Variants in SSX3 observed in about 807,000 individuals in gnomAD.
SSX3 encodes the protein SSX family member 3.
A neutral mutation model predicts 14.8 loss-of-function variants in SSX3; 6 were observed. The observed-to-expected ratio is 0.41, with a 90% CI of 0.22 to 0.80. SSX3 has a LOEUF of 0.80. Ranked by LOEUF, SSX3 falls within the 30% of genes least tolerant of loss-of-function variation. The pLI is 0.34. For missense variants in SSX3, 163 were observed against 152.2 expected (o/e 1.07, Z -0.37); for synonymous variants, 55 against 52.9 (o/e 1.04, Z -0.18).
chrX:48,356,574 T>G (rs1239477222), intron 1 of SSX3, 60 bp downstream of exon 1: 5 of 110,463 alleles, frequency 4.5e-5, no homozygotes, highest in African/African-American at 1.6e-4. Context: ...AGATAGCAAA[T>G]GCACCACGGA....
intron 7 of SSX3, 139 bp downstream of exon 7, chrX:48,347,358 CTCA>C: frequency 2.1e-6 from 2 of 963,035 alleles, no homozygotes; most frequent in Non-Finnish European, 2.9e-6. Context: ...CATGGGAAAT[CTCA>C]TCATTCAGCC....
At position 48,346,687 on chromosome X, in the gene SSX3, C is replaced by T; in HGVS notation, c.*353G>A. 1 of 367,141 alleles carries T rather than the reference C, an allele frequency of 2.7e-6. No individual in the cohort carries two copies. Among genetic ancestry groups the T allele is most frequent in the East Asian group, 4.8e-5 (1 of 20,968 alleles). 30.3% of individuals were successfully genotyped at this position (367,141 alleles called of 1,213,427 possible). The stretch of plus-strand genomic sequence containing the variant: ...CACTCAGAACTGCCCTCAGTAGTCA[C>T]ATCTAGGGAGAGAGGAGGGTAATGC... On this transcript the variant is annotated 3_prime_UTR_variant, in exon 8 of 8. Transcript: ENST00000298396.
intron 5 of SSX3, among the ~76,000 whole-genome samples, chrX:48,350,653 T>A (rs1417733233): frequency 9.0e-6 from 1 of 110,995 alleles, no homozygotes; most frequent in African/African-American, 3.3e-5. Flanking sequence ...GTACCAGATA[T>A]GACATACTAC....
chrX:48,347,219 C>T (rs2061242667), intron 7 of SSX3, among the ~76,000 whole-genome samples, 184 bp from the exon 8 acceptor site: 3 of 112,522 alleles, frequency 2.7e-5, no homozygotes, highest in Admixed American at 9.4e-5. Flanking sequence ...ACTTCCTCGC[C>T]TGGGCTATCA....
intron 6 of SSX3, chrX:48,348,568 G>A (rs782725062): frequency 7.7e-5 from 33 of 430,780 alleles, no homozygotes; most frequent in African/African-American, 7.3e-4. Context: ...AAATGGCTAA[G>A]ATTAGTGAGG....
At chrX:48,349,823 G>C in intron 6 of SSX3, 164 bp downstream of exon 6, 1 of 1,138,676 alleles carries the variant, frequency 8.8e-7, no homozygotes, top group Non-Finnish European at 1.2e-6. Context: ...GACAACTCCA[G>C]TCTGTCTCTG....
rs1359859763 is a variant in SSX3, at chrX:48,354,531, G to C, written c.184+101C>G. 6 of 974,629 alleles carry C rather than the reference G, an allele frequency of 6.2e-6. No individual in the cohort carries two copies. The East Asian group carries it at 1.9e-4, about 31-fold the overall frequency. The allele number at this position is 974,629 out of a possible 1,213,427, so 80.3% of individuals were successfully genotyped here. A position where few individuals can be genotyped will look rare whatever the true frequency, so the allele number is the denominator to read the frequency against. On this transcript the variant is annotated intron_variant, in intron 3 of 7. Coordinates refer to ENST00000298396, the MANE Select transcript of SSX3 (RefSeq NM_021014.4). ...CCTTGCGATTTTTCCCTACACAAAA[G>C]GAAAATGTGAGGTACTTTCTGCAGC...
At chrX:48,349,425 A>C (rs1321536078) in intron 6 of SSX3, 1 of 867,381 alleles carries the variant, frequency 1.2e-6, no homozygotes, top group Non-Finnish European at 1.6e-6. Context: ...ATTATTTTAA[A>C]ATTAAGGTAT....
chrX:48,352,668 T>G (rs1463580091), intron 4 of SSX3, among the ~76,000 whole-genome samples: 1 of 112,531 alleles, frequency 8.9e-6, no homozygotes, highest in African/African-American at 3.2e-5. Flanking sequence ...TTATAGTGAT[T>G]GCGGGAGATT....
rs1433271506 is a variant in SSX3, at chrX:48,347,145, A to G, written c.*5-110T>C. The stretch of plus-strand genomic sequence containing the variant: ...ACCCTGCACACTCCGATTCTGCCCT[A>G]TCTCAGGACCTGCACACACCTTCCA... On this transcript the variant is annotated intron_variant, in intron 7 of 7. Coordinates refer to ENST00000298396, the MANE Select transcript of SSX3 (RefSeq NM_021014.4). The G allele has an allele frequency of 5.0e-6, 5 of 1,008,434 alleles. No homozygotes were observed. The African/African-American group carries it at 9.3e-5, about 19-fold the overall frequency. The allele number at this position is 1,008,434 out of a possible 1,213,427, so 83.1% of individuals were successfully genotyped here. A position where few individuals can be genotyped will look rare whatever the true frequency, so the allele number is the denominator to read the frequency against.
chrX:48,351,232 T>C (rs2061261730), intron 5 of SSX3, among the ~76,000 whole-genome samples: 2 of 111,956 alleles, frequency 1.8e-5, no homozygotes, highest in African/African-American at 6.5e-5. Flanking sequence ...GTCTCCACAC[T>C]GGCAACCCAA....
chrX:48,346,837 C>T lies in SSX3; in HGVS notation c.*203G>A. 1 of 666,773 alleles carries T rather than the reference C, an allele frequency of 1.5e-6. No homozygotes were observed. The highest frequency in any genetic ancestry group is 3.5e-5 in the East Asian group (1 of 28,623). The allele number at this position is 666,773 out of a possible 1,213,427, so 54.9% of individuals were successfully genotyped here. A position where few individuals can be genotyped will look rare whatever the true frequency, so the allele number is the denominator to read the frequency against. On this transcript the variant is annotated 3_prime_UTR_variant, in exon 8 of 8. Transcript: ENST00000298396. ...AATGTTAATATCTAACAGAATGACA[C>T]ACTTCAAGAAAATACAATGGAAACG...
rs2061240719 is a variant in SSX3 at position 48,346,658 on chromosome X, T to G, written c.*382A>C. On this transcript the variant is annotated 3_prime_UTR_variant, in exon 8 of 8. Transcript: ENST00000298396. ...AAATGCAGAGGAAAAAATCTGAAAT[T>G]AAACACTCAGAACTGCCCTCAGTAG... The G allele has an allele frequency of 6.1e-6, 2 of 329,740 alleles. No individual in the cohort carries two copies. Among genetic ancestry groups the G allele is most frequent in the Non-Finnish European group, 1.1e-5 (2 of 184,301 alleles). The allele number at this position is 329,740 out of a possible 1,213,427, so 27.2% of individuals were successfully genotyped here.
chrX:48,347,688 G>C, intron 6 of SSX3, 84 bp from the exon 7 acceptor site: 1 of 1,196,606 alleles, frequency 8.4e-7, no homozygotes, highest in Non-Finnish European at 1.1e-6. Context: ...GGAGATGCCT[G>C]CTTCCTCCCA....
In SSX3 at chrX:48,346,963, A is replaced by C. The variant is rs188889290; in HGVS notation, c.*77T>G. On this transcript the variant is annotated 3_prime_UTR_variant, in exon 8 of 8. Transcript: ENST00000298396. ...CTATGCACCTGATGACGAGGGGTCC[A>C]CAGCCATGCCCATGTTCGTGAAAGG... 3 of 1,195,669 alleles carry C rather than the reference A, an allele frequency of 2.5e-6. No individual in the cohort carries two copies. The highest frequency in any genetic ancestry group is 3.4e-6 in the Non-Finnish European group (3 of 894,368).
rs782130988 is a variant in SSX3, at chrX:48,354,912, T to C, written c.70-166A>G. 115 of 751,642 alleles carry C rather than the reference T, an allele frequency of 1.5e-4. No individual in the cohort carries two copies. The African/African-American group carries it at 2.5e-3, about 16-fold the overall frequency. 61.9% of individuals were successfully genotyped at this position (751,642 alleles called of 1,213,427 possible). A position where few individuals can be genotyped will look rare whatever the true frequency, so the allele number is the denominator to read the frequency against. On this transcript the variant is annotated intron_variant, in intron 2 of 7. Coordinates refer to ENST00000298396, the MANE Select transcript of SSX3 (RefSeq NM_021014.4). ...TGAGGGACCTTCCTAGCTTCACCCCTGCCACACTGTCGGGCTTTAATGCTG... is the reference window on the plus strand; with the variant it reads ...TGAGGGACCTTCCTAGCTTCACCCCCGCCACACTGTCGGGCTTTAATGCTG...
intron 1 of SSX3, among the ~76,000 whole-genome samples, chrX:48,356,040 G>T (rs2061285988): frequency 1.8e-5 from 2 of 111,512 alleles, no homozygotes; most frequent in African/African-American, 6.5e-5. Flanking sequence ...AGCTGGGGTT[G>T]GTGGAGCAGG....
At chrX:48,353,063 C>T (rs1404109101) in intron 4 of SSX3, among the ~76,000 whole-genome samples, 4 of 111,159 alleles carry the variant, frequency 3.6e-5, no homozygotes, top group African/African-American at 1.3e-4. Flanking sequence ...CTATCCAATA[C>T]CTACATGCTG....
chrX:48,349,130 T>C, intron 6 of SSX3, among the ~76,000 whole-genome samples: 1 of 112,550 alleles, frequency 8.9e-6, no homozygotes, highest in East Asian at 2.8e-4. Flanking sequence ...AGGACTTTCA[T>C]AGCTAGAGAG....
Sources: allele counts gnomAD v4.1 joint callset (sites outside exome capture counted in the v4.1 genomes callset), GRCh38; gene constraint gnomAD v4.1.1; transcripts MANE v1.5; gene names NCBI Gene and HGNC (gene_info 2026-07-23, HGNC 2026-07-21).